The following DLG2 variants were observed in gnomAD, a reference collection of about 807,000 sequenced individuals.
DLG2 encodes discs large MAGUK scaffold protein 2, also known as disks large homolog 2.
A neutral mutation model predicts 132.5 loss-of-function variants in DLG2; 45 were observed. The ratio of observed to expected loss-of-function variants is 0.34; its 90% CI spans 0.27 to 0.44. The LOEUF (loss-of-function observed/expected upper bound fraction) is 0.44, where lower values mean the gene tolerates loss of function less well. Ranked by LOEUF, DLG2 falls within the 20% of genes least tolerant of loss-of-function variation. DLG2 has a pLI of 1.00. For missense variants in DLG2, 1,045 were observed against 1,196.9 expected, an observed-to-expected ratio of 0.87 and a Z score of 1.87; for synonymous variants, 424 against 419.6, an observed-to-expected ratio of 1.01 and a Z score of -0.13.
intron 7 of DLG2, among the ~76,000 whole-genome samples, chr11:84,487,921 T>C (rs1226482696): frequency 6.6e-6 from 1 of 152,140 alleles, no homozygotes; most frequent in African/African-American, 2.4e-5. Context: ...ACCTAATGTA[T>C]TTCAGGAAGA....
intron 6 of DLG2, among the ~76,000 whole-genome samples, chr11:84,810,557 C>G (rs568716671): frequency 6.6e-6 from 1 of 152,252 alleles, no homozygotes; most frequent in South Asian, 2.1e-4. Context: ...TACAACCACT[C>G]TTGAAAACAG....
intron 4 of DLG2, among the ~76,000 whole-genome samples, chr11:85,250,331 C>T (rs1345505683): frequency 6.6e-6 from 1 of 152,162 alleles, no homozygotes; most frequent in Admixed American, 6.6e-5. Flanking sequence ...TGCTATGTCA[C>T]CCACTGCTCT....
intron 16 of DLG2, among the ~76,000 whole-genome samples, chr11:83,838,505 A>G (rs981660493): frequency 6.6e-5 from 10 of 152,252 alleles, no homozygotes; most frequent in Non-Finnish European, 1.5e-4. Flanking sequence ...CCAAAAGTCT[A>G]GAATACGGTA....
intron 6 of DLG2, among the ~76,000 whole-genome samples, chr11:84,801,405 T>TA (rs1056537408): frequency 6.6e-6 from 1 of 151,954 alleles, no homozygotes; most frequent in African/African-American, 2.4e-5. Flanking sequence ...CCGTCTCTAC[T>TA]AAAAAAATAC....
intron 3 of DLG2, among the ~76,000 whole-genome samples, chr11:85,400,913 C>T (rs1248400528): frequency 6.7e-6 from 1 of 150,084 alleles, no homozygotes; most frequent in Non-Finnish European, 1.5e-5. Flanking sequence ...GCACATGTAC[C>T]CTAAAACTTA....
At chr11:84,765,001 C>T (rs552763649) in intron 6 of DLG2, among the ~76,000 whole-genome samples, 1 of 152,068 alleles carries the variant, frequency 6.6e-6, no homozygotes, top group Non-Finnish European at 1.5e-5. Flanking sequence ...GTTATATTTG[C>T]ATGTCCAATG....
chr11:84,055,159 G>C (rs756472442), intron 11 of DLG2, among the ~76,000 whole-genome samples: 1 of 151,914 alleles, frequency 6.6e-6, no homozygotes, highest in Non-Finnish European at 1.5e-5. Flanking sequence ...TGTCCTCAGA[G>C]ATTCCTTCAT....
intron 3 of DLG2, among the ~76,000 whole-genome samples, chr11:85,548,171 G>C (rs949777532): frequency 6.6e-6 from 1 of 152,170 alleles, no homozygotes; most frequent in Non-Finnish European, 1.5e-5. Flanking sequence ...TGGGGTCTCT[G>C]AGTGGATGTC....
Position 84,185,617 on chromosome 11 carries a change from G to C in DLG2, c.574-22106C>G, listed in dbSNP as rs545039931. ...GAACTTCCAACACTATGTTGAATAG[G>C]AGTGGTGAGAGAGGGCATCCCTGTC... On this transcript the variant is annotated intron_variant, in intron 8 of 27. Coordinates refer to ENST00000376104, the MANE Select transcript of DLG2 (RefSeq NM_001142699.3). 6.5e-4 allele frequency among the ~76,000 whole-genome samples: 99 copies of C among 152,246 alleles called. 1 individual carries two copies. Among genetic ancestry groups the C allele is most frequent in the African/African-American group, 2.2e-3 (93 of 41,542 alleles).
intron 6 of DLG2, among the ~76,000 whole-genome samples, chr11:84,882,314 A>C (rs1382942066): frequency 6.7e-6 from 1 of 149,186 alleles, no homozygotes; most frequent in Non-Finnish European, 1.5e-5. Context: ...AAACAAACAA[A>C]AGGCAAAAAA....
chr11:85,358,643 A>C (rs1282345470), intron 3 of DLG2, among the ~76,000 whole-genome samples: 5 of 152,208 alleles, frequency 3.3e-5, no homozygotes, highest in African/African-American at 1.2e-4. Flanking sequence ...CAGTGTTCCA[A>C]ATTGCTTCAA....
At chr11:85,512,562 G>C (rs551233499) in intron 3 of DLG2, among the ~76,000 whole-genome samples, 1 of 152,002 alleles carries the variant, frequency 6.6e-6, no homozygotes, top group Non-Finnish European at 1.5e-5. Context: ...TACTGTCACT[G>C]TCAAAAATGG....
chr11:83,635,738 C>G lies in DLG2; in HGVS notation c.1826-2413G>C, dbSNP rs896950787. 2.6e-5 allele frequency among the ~76,000 whole-genome samples: 4 copies of G among 152,142 alleles called. No homozygotes were observed. The East Asian group carries it at 5.8e-4, about 22-fold the overall frequency. Reference sequence around the variant, plus strand: ...TACATAAATATCATGTTTCTTAATACTCTTAATAGTCTATTCCATAGTTTA... The same window carrying G: ...TACATAAATATCATGTTTCTTAATAGTCTTAATAGTCTATTCCATAGTTTA... On this transcript the variant is annotated intron_variant, in intron 18 of 27. Transcript: ENST00000376104.
chr11:85,469,154 T>C (rs937347515), intron 3 of DLG2, among the ~76,000 whole-genome samples: 2 of 152,264 alleles, frequency 1.3e-5, no homozygotes, highest in African/African-American at 2.4e-5. Context: ...CAGCAAGTCC[T>C]ATCAGCTCCT....
chr11:84,055,446 A>G (rs1433045530), intron 11 of DLG2, among the ~76,000 whole-genome samples: 1 of 152,090 alleles, frequency 6.6e-6, no homozygotes, highest in Non-Finnish European at 1.5e-5. Context: ...TTGCATTTCA[A>G]TATAAACACA....
chr11:85,059,401 T>C (rs538636129), intron 6 of DLG2, among the ~76,000 whole-genome samples: 1 of 151,584 alleles, frequency 6.6e-6, no homozygotes, highest in Non-Finnish European at 1.5e-5. Flanking sequence ...GATCTAGCAA[T>C]TGTACTACCA....
At chr11:83,555,082 G>A (rs2096487990) in intron 19 of DLG2, among the ~76,000 whole-genome samples, 1 of 152,242 alleles carries the variant, frequency 6.6e-6, no homozygotes, top group Non-Finnish European at 1.5e-5. Context: ...GGACCAGGTT[G>A]GGAAGGCTTC....
intron 6 of DLG2, among the ~76,000 whole-genome samples, chr11:85,037,247 A>G (rs922375273): frequency 4.6e-5 from 7 of 152,166 alleles, no homozygotes; most frequent in African/African-American, 1.7e-4. Flanking sequence ...CAGTCTCCAG[A>G]ATCTTGATGT....
In DLG2 at chr11:84,593,598, G is replaced by T. The variant is rs1043155882; in HGVS notation, c.358-58867C>A. 5.9e-5 allele frequency among the ~76,000 whole-genome samples: 9 copies of T among 152,224 alleles called. No homozygotes were observed. The South Asian group carries it at 1.9e-3, about 32-fold the overall frequency. On this transcript the variant is annotated intron_variant, in intron 6 of 27. Transcript: ENST00000376104. Reference sequence around the variant, plus strand: ...CATTCATAAGTGGGAGCTGAACAATGAGAACACATGGACACAGGGAGGGGA... The same window carrying T: ...CATTCATAAGTGGGAGCTGAACAATTAGAACACATGGACACAGGGAGGGGA...
Sources: gnomAD v4.1 joint callset for allele counts (sites outside exome capture counted in the v4.1 genomes callset) on GRCh38, gnomAD v4.1.1 for gene constraint, MANE v1.5 for transcripts, NCBI Gene and HGNC (gene_info 2026-07-23, HGNC 2026-07-21) for gene names.